Variants in METTL15 observed in about 807,000 individuals in gnomAD.
METTL15 encodes the protein 12S rRNA N(4)-cytidine methyltransferase METTL15.
In METTL15, 34 loss-of-function variants were observed where a neutral mutation model predicts 38.3. The ratio of observed to expected loss-of-function variants is 0.89; its 90% CI spans 0.68 to 1.18. The LOEUF is 1.18. Among genes scored for constraint, METTL15 ranks in the 50% most tolerant of loss-of-function variants. The pLI, the probability that METTL15 is intolerant of heterozygous loss-of-function variation, is 0.00. For missense variants in METTL15, 438 were observed against 498.4 expected, an observed-to-expected ratio of 0.88 and a Z score of 1.15; for synonymous variants, 162 against 170.9, an observed-to-expected ratio of 0.95 and a Z score of 0.41.
At chr11:28,417,474 C>A (rs1254682416) in intron 5 of METTL15, among the ~76,000 whole-genome samples, 2 of 152,132 alleles carry the variant, frequency 1.3e-5, no homozygotes, top group Non-Finnish European at 2.9e-5. Flanking sequence ...TAAATCAAAT[C>A]ACAAAAAGCT....
At chr11:28,371,675 G>C (rs1334138061) in intron 5 of METTL15, among the ~76,000 whole-genome samples, 1 of 151,948 alleles carries the variant, frequency 6.6e-6, no homozygotes, top group East Asian at 1.9e-4. Context: ...TACTTCATGA[G>C]TCATTTATAG....
chr11:28,456,980 G>T (rs1447763726), intron 6 of METTL15, among the ~76,000 whole-genome samples: 1 of 152,196 alleles, frequency 6.6e-6, no homozygotes, highest in Non-Finnish European at 1.5e-5. Flanking sequence ...GCTGTACCCT[G>T]TCTGAATTCT....
At chr11:28,181,122 A>G (rs1851266374) in intron 3 of METTL15, among the ~76,000 whole-genome samples, 1 of 151,762 alleles carries the variant, frequency 6.6e-6, no homozygotes. Context: ...ATGTATGCCC[A>G]GAGGAATGAG....
chr11:28,357,788 A>G (rs1850102669), intron 4 of METTL15, among the ~76,000 whole-genome samples: 2 of 152,202 alleles, frequency 1.3e-5, no homozygotes, highest in South Asian at 2.1e-4. Flanking sequence ...AGAAATCTTC[A>G]TTTCTTTCGG....
intron 6 of METTL15, among the ~76,000 whole-genome samples, chr11:28,320,027 C>G (rs984607846): frequency 6.6e-6 from 1 of 152,090 alleles, no homozygotes; most frequent in African/African-American, 2.4e-5. Flanking sequence ...AAGTATCATT[C>G]TTTTCATTAG....
chr11:28,354,376 T>G (rs1171843115), intron 4 of METTL15, among the ~76,000 whole-genome samples: 2 of 152,146 alleles, frequency 1.3e-5, no homozygotes. Flanking sequence ...AGTGAAGAAG[T>G]GGGCTTTATC....
intron 6 of METTL15, among the ~76,000 whole-genome samples, chr11:28,516,227 G>A (rs1379572675): frequency 6.6e-6 from 1 of 152,178 alleles, no homozygotes; most frequent in African/African-American, 2.4e-5. Flanking sequence ...TCTGGTTCTT[G>A]GTACAGTGCT....
At chr11:28,153,425 T>A (rs1850160891) in intron 3 of METTL15, among the ~76,000 whole-genome samples, 2 of 152,150 alleles carry the variant, frequency 1.3e-5, no homozygotes, top group African/African-American at 4.8e-5. Flanking sequence ...CTGGAATGTT[T>A]CTTTCTGAAT....
intron 3 of METTL15, chr11:28,145,746 CTG>C (rs1347094207): frequency 3.3e-5 from 5 of 151,916 alleles, no homozygotes; most frequent in African/African-American, 9.7e-5. Flanking sequence ...GTTAGATAAA[CTG>C]TATAATAAAA....
At chr11:28,115,251 T>C (rs1851889697) in intron 3 of METTL15, among the ~76,000 whole-genome samples, 1 of 152,066 alleles carries the variant, frequency 6.6e-6, no homozygotes, top group Non-Finnish European at 1.5e-5. Context: ...TTTTTCTTTT[T>C]CTTTCTCGTT....
intron 4 of METTL15, among the ~76,000 whole-genome samples, chr11:28,271,121 C>T (rs1442886016): frequency 6.6e-6 from 1 of 152,090 alleles, no homozygotes; most frequent in Non-Finnish European, 1.5e-5. Flanking sequence ...GGCATTTTGT[C>T]ATTATTAAAC....
chr11:28,426,841 C>T (rs570835192), intron 6 of METTL15, among the ~76,000 whole-genome samples: 3 of 151,378 alleles, frequency 2.0e-5, no homozygotes, highest in Non-Finnish European at 2.9e-5. Context: ...GGATATTAGA[C>T]CTTTGTCAGA....
intron 4 of METTL15, among the ~76,000 whole-genome samples, chr11:28,239,577 A>G (rs376239570): frequency 6.6e-6 from 1 of 152,172 alleles, no homozygotes; most frequent in African/African-American, 2.4e-5. Context: ...TATCCTTCTT[A>G]AAAGCAAATT....
intron 3 of METTL15, among the ~76,000 whole-genome samples, chr11:28,200,232 A>G (rs1852059272): frequency 6.6e-6 from 1 of 152,172 alleles, no homozygotes; most frequent in South Asian, 2.1e-4. Context: ...CATCTCTGCC[A>G]TTCATTAGCT....
intron 6 of METTL15, among the ~76,000 whole-genome samples, chr11:28,455,316 TC>T (rs1851158677): frequency 6.9e-6 from 1 of 143,910 alleles, no homozygotes; most frequent in African/African-American, 2.5e-5. Flanking sequence ...AGCCACTTCA[TC>T]CCAACAATAT....
At chr11:28,376,804 T>A in intron 5 of METTL15, among the ~76,000 whole-genome samples, 1 of 150,116 alleles carries the variant, frequency 6.7e-6, no homozygotes, top group East Asian at 1.9e-4. Flanking sequence ...GTACCGGTTG[T>A]TCCTTTCCAT....
intron 4 of METTL15, among the ~76,000 whole-genome samples, chr11:28,239,697 C>T (rs567175730): frequency 1.3e-5 from 2 of 152,180 alleles, no homozygotes; most frequent in Non-Finnish European, 2.9e-5. Flanking sequence ...CATGTTTGCA[C>T]CTCCAAGCCA....
intron 3 of METTL15, among the ~76,000 whole-genome samples, chr11:28,205,924 C>G (rs1281938005): frequency 6.7e-6 from 1 of 149,606 alleles, no homozygotes. Flanking sequence ...AGTGTCTGCT[C>G]ATGTCCTTCG....
intron 3 of METTL15, among the ~76,000 whole-genome samples, chr11:28,346,608 C>T (rs1305401590): frequency 6.6e-6 from 1 of 152,138 alleles, no homozygotes; most frequent in Non-Finnish European, 1.5e-5. Context: ...GTCTTTTCAA[C>T]TTCATCAGAA....
Sources: gnomAD v4.1 joint callset for allele counts (sites outside exome capture counted in the v4.1 genomes callset) on GRCh38, gnomAD v4.1.1 for gene constraint, MANE v1.5 for transcripts, NCBI Gene and HGNC (gene_info 2026-07-23, HGNC 2026-07-21) for gene names.